Variants in CCDC187 observed in about 807,000 individuals in gnomAD.
CCDC187 encodes coiled-coil domain containing 187.
Under a neutral mutation model 38.0 loss-of-function variants are expected in CCDC187, and 32 were observed. The ratio of observed to expected loss-of-function variants is 0.84; its 90% CI spans 0.64 to 1.13. The LOEUF is 1.13. Ranked by LOEUF, CCDC187 falls within the 50% of genes most tolerant of loss-of-function variation. The probability of loss-of-function intolerance (pLI) is 0.00; values close to 1 mark genes in which losing one functional copy is unlikely to be tolerated. For synonymous variants in CCDC187, 333 were observed against 347.9 expected (o/e 0.96, Z 0.48); for missense variants, 707 against 786.8 (o/e 0.90, Z 1.21).
rs1487076343 is a variant in CCDC187 at position 136,281,569 on chromosome 9, A to T, written c.3022T>A (p.Cys1008Ser). The T allele has an allele frequency of 5.0e-6, 2 of 398,366 alleles. No individual in the cohort carries two copies. Among genetic ancestry groups the T allele is most frequent in the African/African-American group, 4.1e-5 (2 of 48,610 alleles). The allele number at this position is 398,366 out of a possible 1,614,324, so 24.7% of individuals were successfully genotyped here. Residue 1008 changes from cysteine (C) to serine (S), a missense_variant, in exon 10 of 26, where the codon TGC becomes AGC. Cys to Ser is a moderately radical substitution (Grantham distance 112, BLOSUM62 -1). Transcript: ENST00000638797. ...CCCTTACCGCAGCTCCGGGGGGTGC[A>T]GGGCGCCACAGAATCTGCCCCTCCG... ...SVGGADSVAP[C>S]TPRSCGQQED...
At chr9:136,293,144 C>A (rs1275345820) in intron 4 of CCDC187, among the ~76,000 whole-genome samples, 1 of 150,562 alleles carries the variant, frequency 6.6e-6, no homozygotes, top group Non-Finnish European at 1.5e-5. Context: ...TGCTCACACA[C>A]TCACAAACAC....
At chr9:136,283,672 C>T (rs966684369) in intron 9 of CCDC187, among the ~76,000 whole-genome samples, 14 of 152,374 alleles carry the variant, frequency 9.2e-5, no homozygotes, top group Admixed American at 8.5e-4. Context: ...GCCCTGGCCG[C>T]ACCTCTGCCC....
chr9:136,288,013 G>GA (rs1167854255), intron 7 of CCDC187, among the ~76,000 whole-genome samples: 5 of 151,842 alleles, frequency 3.3e-5, no homozygotes, highest in Non-Finnish European at 5.9e-5. Context: ...TTTAGGTGGG[G>GA]AAAAAAAAGG....
intron 16 of CCDC187, chr9:136,266,730 C>T (rs1830753752): frequency 6.6e-6 from 1 of 152,250 alleles, no homozygotes; most frequent in Non-Finnish European, 1.5e-5. Context: ...ACGCAAGTTA[C>T]AAAACAGCAC....
chr9:136,300,418 T>C, intron 2 of CCDC187, 100 bp from the exon 3 acceptor site: 1 of 390,506 alleles, frequency 2.6e-6, no homozygotes, highest in Admixed American at 4.5e-5. Flanking sequence ...GAGCATTTAT[T>C]TATTTATTTA....
At chr9:136,301,033 C>T (rs1442115952) in intron 2 of CCDC187, among the ~76,000 whole-genome samples, 3 of 152,198 alleles carry the variant, frequency 2.0e-5, no homozygotes, top group African/African-American at 7.2e-5. Context: ...GCAGTGGCTC[C>T]GCGGAGCCAC....
chr9:136,275,278 G>A (rs1013056894), intron 12 of CCDC187, among the ~76,000 whole-genome samples: 5 of 152,188 alleles, frequency 3.3e-5, no homozygotes, highest in Admixed American at 6.5e-5. Flanking sequence ...GCATGGAGAC[G>A]GGTGGGAAGG....
At position 136,303,202 on chromosome 9, in the gene CCDC187, C is replaced by T. The variant is rs1370641848; in HGVS notation, c.235G>A (p.Val79Met). ...QPDPPWAAPH[V>M]VGSDDLKEPG... ...TCCTTGAGGTCGTCAGACCCGACCA[C>T]GTGGGGAGCTGCCCAGGGTGGGTCT... The change falls in exon 2 of 26, where the codon GTG (valine) becomes ATG (methionine). Residue 79 changes from valine to methionine, a missense_variant. By Grantham distance (21) the Val-to-Met change is conservative. Transcript: ENST00000638797. 1.3e-5 allele frequency: 5 copies of T among 398,458 alleles called. No homozygotes were observed. The highest frequency in any genetic ancestry group is 4.1e-5 in the African/African-American group (2 of 48,644). The allele number at this position is 398,458 out of a possible 1,614,324, so 24.7% of individuals were successfully genotyped here. A position where few individuals can be genotyped will look rare whatever the true frequency, so the allele number is the denominator to read the frequency against.
intron 11 of CCDC187, 139 bp from the exon 12 acceptor site, chr9:136,276,440 A>G (rs1230089040): frequency 1.3e-5 from 2 of 151,980 alleles, no homozygotes; most frequent in Admixed American, 6.6e-5. Flanking sequence ...TCTCCCTGCC[A>G]GGGGCTTCCC....
At chr9:136,259,739 C>A (rs1830659047) in intron 20 of CCDC187, among the ~76,000 whole-genome samples, 1 of 152,184 alleles carries the variant, frequency 6.6e-6, no homozygotes, top group Admixed American at 6.5e-5. Context: ...CAGGGGCTCT[C>A]TGTGGGCCTG....
intron 14 of CCDC187, among the ~76,000 whole-genome samples, chr9:136,271,122 G>T (rs1830832779): frequency 6.6e-6 from 1 of 152,220 alleles, no homozygotes; most frequent in South Asian, 2.1e-4. Context: ...GGAGAGGTGA[G>T]AGAAAGAGGA....
At position 136,257,725 on chromosome 9, in the gene CCDC187, G is replaced by A. The variant is rs1384549431; in HGVS notation, c.4367-884C>T. On this transcript the variant is annotated intron_variant, in intron 22 of 25. Coordinates refer to ENST00000638797, the MANE Select transcript of CCDC187 (RefSeq NM_001378188.1). This position sits in a 1 kb window ranked among gnomAD's most constrained non-coding sequence, Gnocchi z 4.5. ...CCACCTGGCTAAGGGAACCAGAGCT[G>A]TTTGTCTAAAGCCCAAGGAGGGGGA... is the stretch of plus-strand genomic sequence containing the variant. Among the ~76,000 whole-genome samples the A allele has an allele frequency of 6.6e-6, 1 of 152,238 alleles. No individual in the cohort carries two copies. The highest frequency in any genetic ancestry group is 1.5e-5 in the Non-Finnish European group (1 of 68,044).
chr9:136,262,940 T>A (rs1830696527), intron 18 of CCDC187, among the ~76,000 whole-genome samples: 1 of 151,944 alleles, frequency 6.6e-6, no homozygotes, highest in Non-Finnish European at 1.5e-5. Flanking sequence ...CCGGTGGACA[T>A]GGGGGACAGG....
intron 10 of CCDC187, among the ~76,000 whole-genome samples, chr9:136,277,268 G>C (rs1830948798): frequency 7.6e-6 from 1 of 131,846 alleles, no homozygotes; most frequent in Non-Finnish European, 1.6e-5. Flanking sequence ...AGCTGCTGCT[G>C]ATGGTGTGGA....
chr9:136,257,561 G>A lies in CCDC187; in HGVS notation c.4367-720C>T, dbSNP rs150864403. On this transcript the variant is annotated intron_variant, in intron 22 of 25. Transcript: ENST00000638797. The surrounding 1 kb of genome is among the most constrained non-coding windows in gnomAD (Gnocchi z 4.5). ...GACACAGCAAGGCCACCAGTGCACC[G>A]CCGGGGATCACAAAGGGGGACAAAG... is the stretch of plus-strand genomic sequence containing the variant. Among the ~76,000 whole-genome samples the A allele has an allele frequency of 6.7e-3, 1,026 of 152,218 alleles. 15 individuals carry two copies. The highest frequency in any genetic ancestry group is 0.024 in the East Asian group (122 of 5,172).
At position 136,286,216 on chromosome 9, in the gene CCDC187, C is replaced by T; in HGVS notation, c.2702G>A (p.Trp901Ter). The part of the protein sequence containing the change: ...PNWGRGAPGE[W>*]VSMQPQPLLP... ...AAGGGGCTGGGGCTGCATGCTCACC[C>T]ACTCCCCAGGTGCCCCTCTGCCCCA... The change falls in exon 8 of 26, where the codon TGG becomes TAG. Residue 901 changes from tryptophan (W) to a stop codon, truncating the protein, a stop_gained. Coordinates refer to ENST00000638797, the MANE Select transcript of CCDC187 (RefSeq NM_001378188.1). LOFTEE classifies it high-confidence loss of function. 2.5e-6 allele frequency: 1 copy of T among 398,548 alleles called. No individual in the cohort carries two copies. Among genetic ancestry groups the T allele is most frequent in the Non-Finnish European group, 4.4e-6 (1 of 225,980 alleles). The allele number at this position is 398,548 out of a possible 1,614,324, so 24.7% of individuals were successfully genotyped here.
At position 136,252,171 on chromosome 9, in the gene CCDC187, TCCACCCCGGG is replaced by T. The variant is rs1830551976; in HGVS notation, c.*1413_*1422del. On this transcript the variant is annotated 3_prime_UTR_variant, in exon 26 of 26. Transcript: ENST00000638797. ...GGGGAAGAGCCGGCCGCCCACCCGG[TCCACCCCGGG>T]AAGAGCCGGCCGCCCACCCGGCCCA... 1.3e-5 allele frequency: 1 copy of T among 75,392 alleles called. No individual in the cohort carries two copies. The highest frequency in any genetic ancestry group is 2.8e-5 in the Non-Finnish European group (1 of 35,130). The allele number at this position is 75,392 out of a possible 1,614,324, so 4.7% of individuals were successfully genotyped here. A position where few individuals can be genotyped will look rare whatever the true frequency, so the allele number is the denominator to read the frequency against.
In CCDC187 at chr9:136,297,808, T is replaced by C. The variant is rs2131349137; in HGVS notation, c.738A>G (p.Lys246=). 2 of 398,456 alleles carry C rather than the reference T, an allele frequency of 5.0e-6. No individual in the cohort carries two copies. Among genetic ancestry groups the C allele is most frequent in the East Asian group, 7.1e-5 (2 of 28,058 alleles). The allele number at this position is 398,456 out of a possible 1,614,324, so 24.7% of individuals were successfully genotyped here. A position where few individuals can be genotyped will look rare whatever the true frequency, so the allele number is the denominator to read the frequency against. ...AAGAACTGCTTTTGACCCTTTTGGGTTTTTCCCTCAGAACTTCAGTGAGGA... is the reference window on the plus strand; with the variant it reads ...AAGAACTGCTTTTGACCCTTTTGGGCTTTTCCCTCAGAACTTCAGTGAGGA... ...SQHQVPVLRE[K]PKRVKSSSCK... is the part of the protein sequence containing the mutation. The change falls in exon 4 of 26, where the codon AAA becomes AAG. Residue 246 remains lysine, a synonymous_variant. Transcript: ENST00000638797.
chr9:136,282,984 C>T (rs1316867846), intron 9 of CCDC187, among the ~76,000 whole-genome samples: 3 of 152,260 alleles, frequency 2.0e-5, no homozygotes, highest in African/African-American at 4.8e-5. Flanking sequence ...GGCACAGTGG[C>T]TCACGCCTGT....
Sources: gnomAD v4.1 joint callset for allele counts (sites outside exome capture counted in the v4.1 genomes callset) on GRCh38, gnomAD v4.1.1 for gene constraint, Gnocchi (gnomAD v3.1) non-coding constraint, MANE v1.5 for transcripts, NCBI Gene and HGNC (gene_info 2026-07-23, HGNC 2026-07-21) for gene names.